Variants in ZNF143 observed in about 807,000 individuals in gnomAD.
The protein encoded by ZNF143 is zinc finger protein 143, also known as SPH-binding factor.
Under a neutral mutation model 74.1 loss-of-function variants are expected in ZNF143, and 49 were observed. The ratio of observed to expected loss-of-function variants is 0.66; its 90% CI spans 0.53 to 0.84. The LOEUF is 0.84. Among genes scored for constraint, ZNF143 ranks in the 40% least tolerant of loss-of-function variants. ZNF143 has a pLI of 0.00. For missense variants in ZNF143, 637 were observed against 793.4 expected (o/e 0.80, Z 2.37); for synonymous variants, 304 against 282.8 (o/e 1.07, Z -0.75).
intron 7 of ZNF143, among the ~76,000 whole-genome samples, chr11:9,484,438 C>T (rs1847375576): frequency 6.6e-6 from 1 of 150,794 alleles, no homozygotes; most frequent in African/African-American, 2.5e-5. Flanking sequence ...TGATCACAAA[C>T]TCCTGACCTC....
At chr11:9,471,550 G>A in intron 2 of ZNF143, 130 bp downstream of exon 2, 1 of 592,960 alleles carries the variant, frequency 1.7e-6, no homozygotes, top group Non-Finnish European at 2.7e-6. Context: ...GAGGTGTTTT[G>A]GTGTTTTTTT....
chr11:9,496,189 A>G (rs888183924), intron 8 of ZNF143, 114 bp from the exon 9 acceptor site: 12 of 865,270 alleles, frequency 1.4e-5, no homozygotes, highest in Middle Eastern at 2.2e-4. Flanking sequence ...TTTTATAAGA[A>G]AAAAGCATAC....
At chr11:9,524,595 A>C (rs1849058400) in intron 14 of ZNF143, among the ~76,000 whole-genome samples, 1 of 152,194 alleles carries the variant, frequency 6.6e-6, no homozygotes, top group South Asian at 2.1e-4. Context: ...ATCATCTAAC[A>C]GAAATAGTTA....
chr11:9,508,516 C>T, intron 11 of ZNF143, 103 bp from the exon 12 acceptor site: 3 of 1,023,172 alleles, frequency 2.9e-6, no homozygotes, highest in Non-Finnish European at 4.3e-6. Context: ...AGGGGTTTGG[C>T]AATTCTTTAT....
rs1339061169 is a variant in ZNF143, at chr11:9,486,436, TA to T, written c.645+6891del. Among the ~76,000 whole-genome samples the T allele has an allele frequency of 5.7e-4, 26 of 45,748 alleles. 1 individual carries two copies. Among genetic ancestry groups the T allele is most frequent in the Non-Finnish European group, 1.2e-3 (26 of 22,184 alleles). The allele number at this position is 45,748 out of a possible 152,430, so 30.0% of individuals were successfully genotyped here. On this transcript the variant is annotated intron_variant, in intron 7 of 15. Transcript: ENST00000396602. ...TAATATATATTATATATATTATATATATAATATATTATATATATTATATATA... is the reference window on the plus strand; with the variant it reads ...TAATATATATTATATATATTATATATTAATATATTATATATATTATATATA...
At chr11:9,515,246 A>G (rs1565064393) in intron 13 of ZNF143, among the ~76,000 whole-genome samples, 1 of 152,202 alleles carries the variant, frequency 6.6e-6, no homozygotes, top group Non-Finnish European at 1.5e-5. Context: ...TGGTTAGGGA[A>G]GGGTTAGACT....
intron 13 of ZNF143, among the ~76,000 whole-genome samples, chr11:9,513,227 C>G (rs977129360): frequency 3.3e-5 from 5 of 152,348 alleles, no homozygotes; most frequent in East Asian, 1.9e-4. Flanking sequence ...CTTTACCCTT[C>G]TGTGTCTTCC....
At chr11:9,506,438 TAA>T (rs1300834495) in intron 11 of ZNF143, among the ~76,000 whole-genome samples, 2 of 152,242 alleles carry the variant, frequency 1.3e-5, no homozygotes, top group Non-Finnish European at 2.9e-5. Flanking sequence ...ATGCCTACAT[TAA>T]GTTTGGCCAT....
At chr11:9,517,551 A>G (rs1848767290) in intron 14 of ZNF143, among the ~76,000 whole-genome samples, 2 of 152,232 alleles carry the variant, frequency 1.3e-5, no homozygotes, top group Admixed American at 1.3e-4. Context: ...GCAGGGTTTG[A>G]TAGTGCCTCT....
At chr11:9,479,380 T>A in intron 6 of ZNF143, 92 bp from the exon 7 acceptor site, 1 of 978,160 alleles carries the variant, frequency 1.0e-6, no homozygotes, top group South Asian at 1.8e-5. Flanking sequence ...TTTTTCTTTT[T>A]TTTTGCAAGC....
At chr11:9,501,370 A>G (rs1848151313) in intron 11 of ZNF143, 100 bp downstream of exon 11, 2 of 1,351,240 alleles carry the variant, frequency 1.5e-6, no homozygotes, top group Non-Finnish European at 2.0e-6. Flanking sequence ...CCTCCTTTCT[A>G]TCACTTGGCA....
chr11:9,491,528 A>G (rs1202974273), intron 7 of ZNF143, among the ~76,000 whole-genome samples: 1 of 151,872 alleles, frequency 6.6e-6, no homozygotes, highest in Non-Finnish European at 1.5e-5. Context: ...AGTCCCAGCT[A>G]CTCAGGAGGC....
rs1443386476 is a variant in ZNF143, at chr11:9,472,786, T to C, written c.205+17T>C. On this transcript the variant is annotated intron_variant, in intron 3 of 15. Transcript: ENST00000396602. ...ATTCTAAAGGTATGTGCCTCACATATGGCTGATTGGTTAATACCAGTGATT... is the reference window on the plus strand; with the variant it reads ...ATTCTAAAGGTATGTGCCTCACATACGGCTGATTGGTTAATACCAGTGATT... 1 of 1,530,120 alleles carries C rather than the reference T, an allele frequency of 6.5e-7. No individual in the cohort carries two copies. Among genetic ancestry groups the C allele is most frequent in the Non-Finnish European group, 8.8e-7 (1 of 1,141,422 alleles). 94.8% of individuals were successfully genotyped at this position (1,530,120 alleles called of 1,614,324 possible).
intron 11 of ZNF143, among the ~76,000 whole-genome samples, chr11:9,502,600 T>TC (rs1394539261): frequency 9.8e-6 from 1 of 102,260 alleles, no homozygotes; most frequent in Non-Finnish European, 2.2e-5. Context: ...AGAGCGAGAC[T>TC]CCATCTCAAA....
At chr11:9,487,542 A>G (rs1479724031) in intron 7 of ZNF143, among the ~76,000 whole-genome samples, 1 of 151,480 alleles carries the variant, frequency 6.6e-6, no homozygotes, top group South Asian at 2.1e-4. Context: ...TATTTTTAGT[A>G]GAGATGGGGT....
chr11:9,491,439 A>G (rs1847771020), intron 7 of ZNF143, among the ~76,000 whole-genome samples: 1 of 151,978 alleles, frequency 6.6e-6, no homozygotes, highest in Non-Finnish European at 1.5e-5. Flanking sequence ...GTTCAAGACC[A>G]TCCTGGCTAA....
chr11:9,469,466 A>G (rs1158472745), intron 1 of ZNF143, among the ~76,000 whole-genome samples: 1 of 151,994 alleles, frequency 6.6e-6, no homozygotes, highest in Non-Finnish European at 1.5e-5. Context: ...TCCTGACCTC[A>G]GGTGATCCAC....
chr11:9,522,031 A>T (rs1257635508), intron 14 of ZNF143, among the ~76,000 whole-genome samples: 1 of 150,292 alleles, frequency 6.7e-6, no homozygotes, highest in African/African-American at 2.4e-5. Flanking sequence ...GCACAGCTAC[A>T]CTACAGCCTG....
rs1849192779 is a variant in ZNF143 at position 9,528,202 on chromosome 11, A to G, written c.*589A>G. ...ACCAGCTCTTCAAGCTGAAATGCTA[A>G]TTATATTGGCATTACATTGAATTAT... On this transcript the variant is annotated 3_prime_UTR_variant, in exon 16 of 16. Transcript: ENST00000396602. 1 of 152,578 alleles carries G rather than the reference A, an allele frequency of 6.6e-6. No homozygotes were observed. Among genetic ancestry groups the G allele is most frequent in the African/African-American group, 2.4e-5 (1 of 41,462 alleles). 9.5% of individuals were successfully genotyped at this position (152,578 alleles called of 1,614,324 possible). A position where few individuals can be genotyped will look rare whatever the true frequency, so the allele number is the denominator to read the frequency against.
Sources: allele counts gnomAD v4.1 joint callset (sites outside exome capture counted in the v4.1 genomes callset), GRCh38; gene constraint gnomAD v4.1.1; transcripts MANE v1.5; gene names NCBI Gene and HGNC (gene_info 2026-07-23, HGNC 2026-07-21).